PARS2: variants seen among roughly 807,000 people sequenced by gnomAD.
PARS2 encodes the protein prolyl-tRNA synthetase 2, mitochondrial, also known as probable proline--tRNA ligase, mitochondrial.
PARS2 carries 20 observed loss-of-function variants against 27.4 expected under a neutral mutation model. That is an observed-to-expected ratio of 0.73 (90% CI 0.51 to 1.06). The LOEUF is 1.06. PARS2 is among the 50% of genes least tolerant of loss of function. The pLI, the probability that PARS2 is intolerant of heterozygous loss-of-function variation, is 0.00. For missense variants in PARS2, 585 were observed against 602.1 expected (o/e 0.97, Z 0.30); for synonymous variants, 240 against 247.1 (o/e 0.97, Z 0.27).
intron 1 of PARS2, 51 bp from the exon 2 acceptor site, chr1:54,759,241 C>T (rs969969213): frequency 4.7e-5 from 55 of 1,178,510 alleles, no homozygotes; most frequent in Non-Finnish European, 5.2e-5. Flanking sequence ...GTTCCAACAC[C>T]ATGAAGCAGC....
At position 54,758,546 on chromosome 1, in the gene PARS2, T is replaced by A. The variant is rs746538075; in HGVS notation, c.616A>T (p.Met206Leu). The change falls in exon 2 of 2, where the codon ATG becomes TTG. Residue 206 changes from methionine to leucine, a missense_variant. Coordinates refer to ENST00000371279, the MANE Select transcript of PARS2 (RefSeq NM_152268.4). ...FGLLRGREFY[M>L]KDMYTFDSSP... ...GAGTCAAAGGTGTACATATCCTTCA[T>A]GTAAAACTCTCGGCCACGGAGAAGA... is the stretch of plus-strand genomic sequence containing the variant. 2.5e-6 allele frequency: 4 copies of A among 1,614,172 alleles called. No homozygotes were observed. In the South Asian group the frequency reaches 4.4e-5, roughly 18 times the overall value.
chr1:54,758,575 A>C lies in PARS2; in HGVS notation c.587T>G (p.Phe196Cys), dbSNP rs775173656. Residue 196 changes from phenylalanine (F) to cysteine (C), a missense_variant, in exon 2 of 2, where the codon TTT becomes TGT. Coordinates refer to ENST00000371279, the MANE Select transcript of PARS2 (RefSeq NM_152268.4). ...RKFRDEPRPR[F>C]GLLRGREFYM... ...AAACTCTCGGCCACGGAGAAGACCA[A>C]AGCGGGGCCTGGGCTCATCCCGAAA... 2.2e-5 allele frequency: 36 copies of C among 1,614,116 alleles called. No homozygotes were observed. The highest frequency in any genetic ancestry group is 3.0e-5 in the Non-Finnish European group (35 of 1,180,052).
rs1422590279 is a variant in PARS2 at position 54,758,108 on chromosome 1, T to A, written c.1054A>T (p.Ile352Phe). ...CAGTCTTCTGTAGAGAGGACTTCAA[T>A]GGCAGCAGCCAAGATCCGTGTCACA... ...LGVTRILAAAIEVLSTEDCVR... is the reference protein window; with the variant it reads ...LGVTRILAAAFEVLSTEDCVR... The change falls in exon 2 of 2, where the codon ATT becomes TTT. Residue 352 changes from isoleucine to phenylalanine, a missense_variant. Physicochemically the swap from Ile to Phe is conservative, Grantham distance 21. Transcript: ENST00000371279. 1 of 1,614,012 alleles carries A rather than the reference T, an allele frequency of 6.2e-7. No individual in the cohort carries two copies. The highest frequency in any genetic ancestry group is 8.5e-7 in the Non-Finnish European group (1 of 1,180,018).
In PARS2 at chr1:54,758,824, C is replaced by T. The variant is rs1346520426; in HGVS notation, c.338G>A (p.Gly113Glu). 2.5e-6 allele frequency: 4 copies of T among 1,614,100 alleles called. No homozygotes were observed. The highest frequency in any genetic ancestry group is 3.4e-6 in the Non-Finnish European group (4 of 1,180,042). Residue 113 changes from glycine (G) to glutamate (E), a missense_variant, in exon 2 of 2, where the codon GGG (glycine) becomes GAG (glutamate). Physicochemically the swap from Gly to Glu is moderately conservative, Grantham distance 98. Transcript: ENST00000371279. ...GCTGGGCATGTTGACTTTCTGGCCC[C>T]CGATGGCCTGCATCTCCTGGTCTAT... ...RVIDQEMQAI[G>E]GQKVNMPSLS...
At chr1:54,764,028 G>A (rs1005352188) in intron 1 of PARS2, among the ~76,000 whole-genome samples, 1 of 152,178 alleles carries the variant, frequency 6.6e-6, no homozygotes, top group Non-Finnish European at 1.5e-5. Flanking sequence ...TTTCCATCAC[G>A]AACTGTGCTA....
At chr1:54,763,383 A>G (rs1172985985) in intron 1 of PARS2, among the ~76,000 whole-genome samples, 2 of 152,222 alleles carry the variant, frequency 1.3e-5, no homozygotes, top group Non-Finnish European at 2.9e-5. Context: ...TCGATGTTTA[A>G]CATTCTATTC....
chr1:54,761,019 C>T (rs1181157556), intron 1 of PARS2, among the ~76,000 whole-genome samples: 1 of 152,198 alleles, frequency 6.6e-6, no homozygotes, highest in Non-Finnish European at 1.5e-5. Context: ...ACCTCGTGAT[C>T]CAACTGCCTC....
chr1:54,758,008 G>A lies in PARS2; in HGVS notation c.1154C>T (p.Ala385Val), dbSNP rs138970961. ...IPPKKGSKEQ[A>V]ASELIGQLYD... ...CAGCTGCCCTATGAGCTCGGAGGCC[G>A]CCTGCTCCTTACTGCCCTTCTTAGG... Residue 385 changes from alanine to valine, a missense_variant, in exon 2 of 2, where the codon GCG (alanine) becomes GTG (valine). Coordinates refer to ENST00000371279, the MANE Select transcript of PARS2 (RefSeq NM_152268.4). 1.2e-4 allele frequency: 196 copies of A among 1,614,000 alleles called. 2 individuals carry two copies. The Admixed American group carries it at 2.7e-3, about 22-fold the overall frequency.
In PARS2 at chr1:54,759,034, G is replaced by C. The variant is rs779115285; in HGVS notation, c.128C>G (p.Ser43Cys). Residue 43 changes from serine to cysteine, a missense_variant, in exon 2 of 2, where the codon TCT (serine) becomes TGT (cysteine). Ser to Cys is a moderately radical substitution (Grantham distance 112). Coordinates refer to ENST00000371279, the MANE Select transcript of PARS2 (RefSeq NM_152268.4). ...AAGGTTCTGTGGCTGGAACACACGA[G>C]ACAGCAGCAGGCGCCGCCCTCTTCT... ...APRRGRRLLL[S>C]RVFQPQNLRE... 6.2e-7 allele frequency: 1 copy of C among 1,614,170 alleles called. No homozygotes were observed. The highest frequency in any genetic ancestry group is 8.5e-7 in the Non-Finnish European group (1 of 1,180,024).
rs756581140 is a variant in PARS2, at chr1:54,758,079, GAC to G, written c.1081_1082del (p.Val361ProfsTer17). The G allele has an allele frequency of 1.7e-5, 28 of 1,613,832 alleles. No individual in the cohort carries two copies. Among genetic ancestry groups the G allele is most frequent in the Non-Finnish European group, 2.2e-5 (26 of 1,179,898 alleles). ...AAGGGGCCAGTAGGCTGGGCCAGCG[GAC>G]ACAGTCTTCTGTAGAGAGGACTTCA... ...AIEVLSTEDC[V>X]RWPSLLAPYQ... is the part of the protein sequence containing the mutation. On this transcript the variant is annotated frameshift_variant, in exon 2 of 2. Coordinates refer to ENST00000371279, the MANE Select transcript of PARS2 (RefSeq NM_152268.4). LOFTEE classifies it high-confidence loss of function.
intron 1 of PARS2, among the ~76,000 whole-genome samples, chr1:54,763,514 A>C (rs935574225): frequency 6.6e-6 from 1 of 152,254 alleles, no homozygotes; most frequent in Non-Finnish European, 1.5e-5. Flanking sequence ...TTAAGAGCAA[A>C]GCAAACAGGT....
rs774505231 is a variant in PARS2, at chr1:54,758,639, T to C, written c.523A>G (p.Lys175Glu). 7.4e-6 allele frequency: 12 copies of C among 1,614,210 alleles called. No individual in the cohort carries two copies. The South Asian group carries it at 9.9e-5, about 13-fold the overall frequency. Residue 175 changes from lysine (K) to glutamate (E), a missense_variant, in exon 2 of 2, where the codon AAG (lysine) becomes GAG (glutamate). Transcript: ENST00000371279. ...LIASQKKLSY[K>E]QLPFLLYQVT... The stretch of plus-strand genomic sequence containing the variant: ...TGGTACAGCAGGAAGGGAAGCTGCT[T>C]GTAGGACAGTTTCTTCTGGGAGGCA...
chr1:54,759,876 C>T (rs1015609068), intron 1 of PARS2, among the ~76,000 whole-genome samples: 8 of 152,082 alleles, frequency 5.3e-5, no homozygotes, highest in Admixed American at 2.6e-4. Context: ...CATGGTGACA[C>T]GCCTGTAATC....
In PARS2 at chr1:54,759,154, C is replaced by T; in HGVS notation, c.8G>A (p.Gly3Glu). 17 of 1,584,366 alleles carry T rather than the reference C, an allele frequency of 1.1e-5. No homozygotes were observed. Among genetic ancestry groups the T allele is most frequent in the Non-Finnish European group, 1.5e-5 (17 of 1,160,532 alleles). Residue 3 changes from glycine (G) to glutamate (E), a missense_variant, in exon 2 of 2, where the codon GGG becomes GAG. Transcript: ENST00000371279. ME[G>E]LLTRCRALPA... ...CAATGCTCTGCATCTTGTCAGCAGC[C>T]CTTCCATGACACCCTGGCACCGGGA...
Position 54,758,358 on chromosome 1 carries a change from G to A in PARS2, c.804C>T (p.Asp268=). 1 of 1,614,168 alleles carries A rather than the reference G, an allele frequency of 6.2e-7. No individual in the cohort carries two copies. Among genetic ancestry groups the A allele is most frequent in the Admixed American group, 1.7e-5 (1 of 60,030 alleles). Residue 268 remains aspartate (D), a synonymous_variant, in exon 2 of 2, where the codon GAC becomes GAT. Coordinates refer to ENST00000371279, the MANE Select transcript of PARS2 (RefSeq NM_152268.4). ...EFQLPVDIGE[D]RLAICPRCSF... ...TGCAGCGGGGACAGATGGCAAGCCG[G>A]TCCTCTCCAATATCCACTGGGAGCT... is the stretch of plus-strand genomic sequence containing the variant.
chr1:54,758,166 T>C lies in PARS2; in HGVS notation c.996A>G (p.Pro332=). 1.2e-6 allele frequency: 2 copies of C among 1,614,248 alleles called. No homozygotes were observed. The highest frequency in any genetic ancestry group is 1.7e-6 in the Non-Finnish European group (2 of 1,180,046). The change falls in exon 2 of 2, where the codon CCA becomes CCG. Residue 332 remains proline, a synonymous_variant. Transcript: ENST00000371279. ...CATAGCACCCCATTTCAGCCAGGGT[T>C]GGTTTGCCACAGACATTGGTAAACT... The part of the protein sequence containing the change: ...NAQFTNVCGK[P]TLAEMGCYGL...
At chr1:54,761,895 A>G (rs1179281459) in intron 1 of PARS2, among the ~76,000 whole-genome samples, 2 of 152,136 alleles carry the variant, frequency 1.3e-5, no homozygotes. Flanking sequence ...ATGTGGATTC[A>G]CCCCTGGCTC....
At chr1:54,763,787 A>G (rs1646169993) in intron 1 of PARS2, among the ~76,000 whole-genome samples, 1 of 152,178 alleles carries the variant, frequency 6.6e-6, no homozygotes, top group South Asian at 2.1e-4. Context: ...CTTTTTAAAG[A>G]TTCTTTGACT....
chr1:54,759,089 C>A lies in PARS2; in HGVS notation c.73G>T (p.Val25Phe), dbSNP rs762848489. Residue 25 changes from valine to phenylalanine, a missense_variant, in exon 2 of 2, where the codon GTT (valine) becomes TTT (phenylalanine). Val to Phe is a conservative substitution (Grantham distance 50). Coordinates refer to ENST00000371279, the MANE Select transcript of PARS2 (RefSeq NM_152268.4). ...ATCSRQLSGYVPCRFHHCAPR... is the reference protein window; with the variant it reads ...ATCSRQLSGYFPCRFHHCAPR... ...GCACAGTGGTGAAACCTGCAAGGAA[C>A]ATACCCAGAGAGCTGGCGGCTGCAG... is the stretch of plus-strand genomic sequence containing the variant. The A allele has an allele frequency of 1.2e-6, 2 of 1,613,922 alleles. No homozygotes were observed. The highest frequency in any genetic ancestry group is 3.3e-5 in the Admixed American group (2 of 60,012).
Sources: gnomAD v4.1 joint callset for allele counts (sites outside exome capture counted in the v4.1 genomes callset) on GRCh38, gnomAD v4.1.1 for gene constraint, MANE v1.5 for transcripts, NCBI Gene and HGNC (gene_info 2026-07-23, HGNC 2026-07-21) for gene names.